GABRG3: variants seen among roughly 807,000 people sequenced by gnomAD.
GABRG3 encodes gamma-aminobutyric acid type A receptor subunit gamma3.
A neutral mutation model predicts 48.8 loss-of-function variants in GABRG3; 25 were observed. The ratio of observed to expected loss-of-function variants is 0.51; its 90% CI spans 0.37 to 0.72. The LOEUF is 0.72. GABRG3 is among the 30% of genes least tolerant of loss of function. The probability of loss-of-function intolerance (pLI) is 0.00; values close to 1 mark genes in which losing one functional copy is unlikely to be tolerated. For missense variants in GABRG3, 394 were observed against 577.9 expected, an observed-to-expected ratio of 0.68 and a Z score of 3.26; for synonymous variants, 227 against 217.6, an observed-to-expected ratio of 1.04 and a Z score of -0.38.
intron 3 of GABRG3, among the ~76,000 whole-genome samples, chr15:27,308,369 A>G (rs1481867354): frequency 6.9e-6 from 1 of 144,366 alleles, no homozygotes; most frequent in Non-Finnish European, 1.5e-5. Flanking sequence ...ATATAAACAT[A>G]TAAACATTTG....
At chr15:27,239,082 A>C (rs935781620) in intron 3 of GABRG3, among the ~76,000 whole-genome samples, 1 of 152,210 alleles carries the variant, frequency 6.6e-6, no homozygotes, top group Non-Finnish European at 1.5e-5. Flanking sequence ...CAGGGAGGAA[A>C]AGGAGGACAA....
chr15:27,130,662 C>T (rs777451628), intron 3 of GABRG3, among the ~76,000 whole-genome samples: 4 of 151,980 alleles, frequency 2.6e-5, no homozygotes, highest in East Asian at 1.9e-4. Flanking sequence ...TTAGATCTTT[C>T]GACCTGTAAA....
chr15:27,481,201 C>T (rs778138411), intron 6 of GABRG3: 6 of 996,426 alleles, frequency 6.0e-6, no homozygotes, highest in Non-Finnish European at 7.2e-6. Context: ...TTTATTTACT[C>T]TAAGTTTTAT....
intron 5 of GABRG3, among the ~76,000 whole-genome samples, chr15:27,480,345 G>A (rs984892823): frequency 1.3e-5 from 2 of 152,144 alleles, no homozygotes; most frequent in Admixed American, 6.5e-5. Flanking sequence ...TCCACTCCTC[G>A]AAGGCCGACG....
At chr15:27,100,527 A>G (rs918025275) in intron 3 of GABRG3, among the ~76,000 whole-genome samples, 1 of 152,200 alleles carries the variant, frequency 6.6e-6, no homozygotes, top group African/African-American at 2.4e-5. Flanking sequence ...CAGCATAAAA[A>G]AGAAAAACAA....
intron 6 of GABRG3, among the ~76,000 whole-genome samples, chr15:27,492,820 A>G (rs948779955): frequency 3.3e-5 from 5 of 152,258 alleles, no homozygotes; most frequent in African/African-American, 1.2e-4. Context: ...TCTGCCATCT[A>G]TGAGATTCTG....
chr15:27,284,264 C>G (rs143489744), intron 3 of GABRG3, among the ~76,000 whole-genome samples: 1 of 152,064 alleles, frequency 6.6e-6, no homozygotes, highest in African/African-American at 2.4e-5. Flanking sequence ...TTTGATGTTA[C>G]GAATCACAGA....
intron 3 of GABRG3, among the ~76,000 whole-genome samples, chr15:27,173,336 G>A (rs909785257): frequency 1.7e-4 from 26 of 152,084 alleles, no homozygotes; most frequent in African/African-American, 6.0e-4. Context: ...CATCCTAACA[G>A]GGCTGCAGCA....
At chr15:27,060,255 G>A (rs1896622076) in intron 3 of GABRG3, among the ~76,000 whole-genome samples, 1 of 152,194 alleles carries the variant, frequency 6.6e-6, no homozygotes, top group South Asian at 2.1e-4. Context: ...CAGCAAGAAA[G>A]GGTGGGGTGG....
intron 3 of GABRG3, among the ~76,000 whole-genome samples, chr15:27,182,261 G>A (rs1203644623): frequency 6.6e-6 from 1 of 152,154 alleles, no homozygotes; most frequent in African/African-American, 2.4e-5. Context: ...TGGGAAGCAG[G>A]GGTGGCTGGG....
intron 5 of GABRG3, among the ~76,000 whole-genome samples, chr15:27,436,295 G>C (rs74006941): frequency 0.013 from 2,046 of 152,106 alleles, 55 homozygotes; most frequent in African/African-American, 0.047. Flanking sequence ...TCCCACTTGT[G>C]GGGGGAAGGG....
At chr15:27,131,721 A>C (rs183179272) in intron 3 of GABRG3, among the ~76,000 whole-genome samples, 1 of 152,108 alleles carries the variant, frequency 6.6e-6, no homozygotes, top group East Asian at 1.9e-4. Flanking sequence ...AGGAACAGCC[A>C]TACTGTTTTC....
At chr15:27,381,737 GAAGTCC>G (rs1312888834) in intron 5 of GABRG3, among the ~76,000 whole-genome samples, 1 of 152,208 alleles carries the variant, frequency 6.6e-6, no homozygotes, top group African/African-American at 2.4e-5. Flanking sequence ...CTGGAAACCA[GAAGTCC>G]TCCTACTTTT....
intron 3 of GABRG3, among the ~76,000 whole-genome samples, chr15:27,123,315 C>T (rs1462978028): frequency 6.6e-6 from 1 of 152,034 alleles, no homozygotes; most frequent in Non-Finnish European, 1.5e-5. Flanking sequence ...GAAACGTAAC[C>T]CCCAAGATGA....
chr15:27,097,890 C>A (rs1474146916), intron 3 of GABRG3, among the ~76,000 whole-genome samples: 1 of 151,480 alleles, frequency 6.6e-6, no homozygotes, highest in African/African-American at 2.4e-5. Context: ...GATAATATTA[C>A]AAGCCTGCTG....
intron 6 of GABRG3, among the ~76,000 whole-genome samples, chr15:27,514,745 T>C (rs1890978600): frequency 6.6e-6 from 1 of 152,148 alleles, no homozygotes; most frequent in Admixed American, 6.5e-5. Flanking sequence ...TTATGCTGAT[T>C]AAGACAGTGT....
intron 3 of GABRG3, among the ~76,000 whole-genome samples, chr15:27,102,685 G>T (rs1470747350): frequency 2.0e-5 from 3 of 152,132 alleles, no homozygotes; most frequent in South Asian, 2.1e-4. Context: ...ACGATGCTAT[G>T]GGTTGAATTA....
intron 2 of GABRG3, among the ~76,000 whole-genome samples, chr15:26,984,622 T>G (rs1360488597): frequency 6.6e-6 from 1 of 152,164 alleles, no homozygotes; most frequent in East Asian, 1.9e-4. Context: ...ATGTAGGGTG[T>G]CATTTTTCTT....
rs143033008 is a variant in GABRG3 at position 27,129,870 on chromosome 15, C to T, written c.270+103049C>T. 6.0e-3 allele frequency among the ~76,000 whole-genome samples: 913 copies of T among 152,150 alleles called. 3 individuals are homozygous for T. Among genetic ancestry groups the T allele is most frequent in the Non-Finnish European group, 0.011 (733 of 67,956 alleles). ...TCTTTGGAGAAATACCTATTCAAGT[C>T]GTTTGTCCAGTTTAAATCAGGTTGT... On this transcript the variant is annotated intron_variant, in intron 3 of 9. Coordinates refer to ENST00000615808, the MANE Select transcript of GABRG3 (RefSeq NM_033223.5).
Sources: gnomAD v4.1 joint callset for allele counts (sites outside exome capture counted in the v4.1 genomes callset) on GRCh38, gnomAD v4.1.1 for gene constraint, MANE v1.5 for transcripts, NCBI Gene and HGNC (gene_info 2026-07-23, HGNC 2026-07-21) for gene names.